The following PTPRD variants were observed in gnomAD, a reference collection of about 807,000 sequenced individuals.
PTPRD encodes receptor-type tyrosine-protein phosphatase delta.
PTPRD carries 34 observed loss-of-function variants against 214.5 expected under a neutral mutation model. The ratio of observed to expected loss-of-function variants is 0.16; its 90% confidence interval spans 0.12 to 0.21. The LOEUF is 0.21. PTPRD is among the 10% of genes least tolerant of loss of function. The probability of loss-of-function intolerance (pLI) is 1.00; values close to 1 mark genes in which losing one functional copy is unlikely to be tolerated. For missense variants in PTPRD, 2,545 were observed against 2,398.7 expected (o/e 1.06, Z -1.27); for synonymous variants, 1,128 against 845.7 (o/e 1.33, Z -5.79).
chr9:10,194,995 T>C (rs1380027316), intron 3 of PTPRD, among the ~76,000 whole-genome samples: 3 of 151,104 alleles, frequency 2.0e-5, no homozygotes, highest in East Asian at 1.9e-4. Context: ...TTCAGTGGTA[T>C]GGTCCCGGCT....
chr9:9,763,612 G>A (rs1415935346), intron 6 of PTPRD, among the ~76,000 whole-genome samples: 1 of 151,810 alleles, frequency 6.6e-6, no homozygotes, highest in Non-Finnish European at 1.5e-5. Flanking sequence ...ATAAATCTTA[G>A]CTCTGTAAAA....
chr9:9,426,155 T>C (rs2080831604), intron 8 of PTPRD, among the ~76,000 whole-genome samples: 1 of 152,138 alleles, frequency 6.6e-6, no homozygotes, highest in Non-Finnish European at 1.5e-5. Flanking sequence ...TTCCCTTTCC[T>C]AGCCAAGGGA....
chr9:8,663,744 G>C (rs2097114650), intron 12 of PTPRD, among the ~76,000 whole-genome samples: 1 of 152,028 alleles, frequency 6.6e-6, no homozygotes, highest in African/African-American at 2.4e-5. Flanking sequence ...GCCCGCCTCG[G>C]CCTCCCAAAA....
At chr9:8,354,739 A>G (rs890711996) in intron 39 of PTPRD, among the ~76,000 whole-genome samples, 1 of 152,148 alleles carries the variant, frequency 6.6e-6, no homozygotes, top group Non-Finnish European at 1.5e-5. Context: ...CTCCCCTTCC[A>G]CCAGACTCTC....
At chr9:9,905,534 G>C (rs1232513709) in intron 5 of PTPRD, among the ~76,000 whole-genome samples, 3 of 151,714 alleles carry the variant, frequency 2.0e-5, no homozygotes, top group Non-Finnish European at 4.4e-5. Context: ...ATCTTAAAAA[G>C]TTGTTCAATA....
chr9:9,432,002 C>A (rs12378824), intron 8 of PTPRD, among the ~76,000 whole-genome samples: 10 of 145,894 alleles, frequency 6.9e-5, no homozygotes, highest in Non-Finnish European at 1.2e-4. Flanking sequence ...TGTATACATA[C>A]GTAACAAACC....
At chr9:9,421,178 C>T (rs2078668456) in intron 8 of PTPRD, among the ~76,000 whole-genome samples, 1 of 151,930 alleles carries the variant, frequency 6.6e-6, no homozygotes, top group East Asian at 1.9e-4. Context: ...AACAATGGCC[C>T]TGCCTTTATA....
At chr9:9,065,185 A>G (rs2154403861) in intron 10 of PTPRD, among the ~76,000 whole-genome samples, 1 of 152,298 alleles carries the variant, frequency 6.6e-6, no homozygotes, top group Admixed American at 6.5e-5. Context: ...TTAATTAAAA[A>G]GTGTATTAGG....
At chr9:9,446,038 T>G (rs1257045184) in intron 8 of PTPRD, among the ~76,000 whole-genome samples, 3 of 152,200 alleles carry the variant, frequency 2.0e-5, no homozygotes, top group Non-Finnish European at 4.4e-5. Flanking sequence ...TATGTTCTAT[T>G]TTTTAATTCA....
chr9:8,797,937 C>A, intron 11 of PTPRD, among the ~76,000 whole-genome samples: 1 of 150,748 alleles, frequency 6.6e-6, no homozygotes, highest in South Asian at 2.1e-4. Flanking sequence ...TGGCAAAGAT[C>A]ATAGCTCTCT....
chr9:9,789,663 G>T (rs763693539), intron 5 of PTPRD, among the ~76,000 whole-genome samples: 52 of 151,676 alleles, frequency 3.4e-4, no homozygotes, highest in Non-Finnish European at 6.0e-4. Flanking sequence ...TGGGCGTGGT[G>T]GTGGGCGCCT....
intron 3 of PTPRD, among the ~76,000 whole-genome samples, chr9:10,113,807 CTAACAAGCTCT>C (rs2098709994): frequency 6.6e-6 from 1 of 152,170 alleles, no homozygotes; most frequent in Non-Finnish European, 1.5e-5. Context: ...TTCTGCATTT[CTAACAAGCTCT>C]TAGGTTGTGC....
chr9:8,689,869 A>G (rs184554263), intron 12 of PTPRD, among the ~76,000 whole-genome samples: 7 of 152,264 alleles, frequency 4.6e-5, no homozygotes, highest in Admixed American at 4.6e-4. Flanking sequence ...GCACTTTGGA[A>G]GGCAAAGGCT....
At chr9:9,844,616 A>G (rs886896550) in intron 5 of PTPRD, among the ~76,000 whole-genome samples, 1 of 152,014 alleles carries the variant, frequency 6.6e-6, no homozygotes, top group Non-Finnish European at 1.5e-5. Context: ...AGAAAGGACA[A>G]AATAGTCCCT....
At chr9:8,330,740 A>C (rs1839597702) in intron 44 of PTPRD, among the ~76,000 whole-genome samples, 1 of 152,160 alleles carries the variant, frequency 6.6e-6, no homozygotes, top group South Asian at 2.1e-4. Context: ...ATCTTAGCCC[A>C]AGTCTAATAT....
At chr9:9,754,296 G>A (rs889836912) in intron 6 of PTPRD, among the ~76,000 whole-genome samples, 1 of 152,010 alleles carries the variant, frequency 6.6e-6, no homozygotes, top group Non-Finnish European at 1.5e-5. Flanking sequence ...GCCCCGTAAT[G>A]AAGAACCTCC....
intron 33 of PTPRD, among the ~76,000 whole-genome samples, chr9:8,459,549 G>C (rs1257224740): frequency 1.3e-5 from 2 of 151,966 alleles, no homozygotes; most frequent in Admixed American, 1.3e-4. Context: ...TCTTAAGACA[G>C]AAAGAATTTA....
intron 2 of PTPRD, among the ~76,000 whole-genome samples, chr9:10,448,827 C>T (rs2098817069): frequency 6.6e-6 from 1 of 151,944 alleles, no homozygotes; most frequent in South Asian, 2.1e-4. Flanking sequence ...CAAGAGAAAG[C>T]ATTCTCTCCA....
intron 5 of PTPRD, among the ~76,000 whole-genome samples, chr9:9,833,686 G>GGC (rs1555186506): frequency 1.0e-4 from 15 of 148,702 alleles, no homozygotes; most frequent in South Asian, 4.3e-4. Context: ...TCCGGAGAGG[G>GGC]GGGCAGTTCA....
Sources: gnomAD v4.1 joint callset for allele counts (sites outside exome capture counted in the v4.1 genomes callset) on GRCh38, gnomAD v4.1.1 for gene constraint, MANE v1.5 for transcripts, NCBI Gene and HGNC (gene_info 2026-07-23, HGNC 2026-07-21) for gene names.